The following RGS3 variants were observed in gnomAD, a reference collection of about 807,000 sequenced individuals.
The protein encoded by RGS3 is regulator of G-protein signalling 3.
In RGS3, 80 loss-of-function variants were observed where a neutral mutation model predicts 132.6. The ratio of observed to expected loss-of-function variants is 0.60; its 90% CI spans 0.50 to 0.73. The LOEUF (loss-of-function observed/expected upper bound fraction) is 0.73, where lower values mean the gene tolerates loss of function less well. RGS3 is among the 30% of genes least tolerant of loss of function. The pLI, the probability that RGS3 is intolerant of heterozygous loss-of-function variation, is 0.00. For synonymous variants in RGS3, 598 were observed against 620.6 expected (o/e 0.96, Z 0.54); for missense variants, 1,382 against 1,530.8 (o/e 0.90, Z 1.62).
Position 113,507,278 on chromosome 9 carries a change from A to C in RGS3, c.1086-9A>C, listed in dbSNP as rs1588173365. ...GCTCAACCTGTCTGTGTGATCCCCC[A>C]CCTTCCAGGAGCTGCCCCAGTGAGA... On this transcript the variant is annotated splice_polypyrimidine_tract_variant and intron_variant, in intron 12 of 24. Transcript: ENST00000350696. This position sits in a 1 kb window ranked among gnomAD's most constrained non-coding sequence, Gnocchi z 5.0. 5 of 1,596,322 alleles carry C rather than the reference A, an allele frequency of 3.1e-6. No individual in the cohort carries two copies. Among genetic ancestry groups the C allele is most frequent in the Non-Finnish European group, 4.3e-6 (5 of 1,170,056 alleles).
At chr9:113,459,782 T>C, upstream of RGS3, among the ~76,000 whole-genome samples, 1 of 152,042 alleles carries the variant, frequency 6.6e-6, no homozygotes, top group Admixed American at 6.6e-5. Context: ...CTCACACCTG[T>C]AGTCCCAGCA....
Position 113,508,587 on chromosome 9 carries a change from C to G in RGS3, c.1477+7C>G, listed in dbSNP as rs1225519651. 1 of 1,611,774 alleles carries G rather than the reference C, an allele frequency of 6.2e-7. No individual in the cohort carries two copies. Among genetic ancestry groups the G allele is most frequent in the Non-Finnish European group, 8.5e-7 (1 of 1,179,976 alleles). ...GAGGATACCATCCCCGAAGGTGAGT[C>G]TCCTGCTGCTGCTGTGCCCTCCTAG... is the stretch of plus-strand genomic sequence containing the variant. On this transcript the variant is annotated splice_region_variant and intron_variant, in intron 14 of 24. Transcript: ENST00000350696.
At position 113,497,149 on chromosome 9, in the gene RGS3, G is replaced by A. The variant is rs937622164; in HGVS notation, c.751-165G>A. ...AGATCTGCCCTGAGCATCACGGAAGGCTTCCTGGAGGTGCAGGCATGGCAG... is the reference window on the plus strand; with the variant it reads ...AGATCTGCCCTGAGCATCACGGAAGACTTCCTGGAGGTGCAGGCATGGCAG... On this transcript the variant is annotated intron_variant, in intron 8 of 24. Transcript: ENST00000350696. 5.9e-5 allele frequency among the ~76,000 whole-genome samples: 9 copies of A among 152,314 alleles called. No individual in the cohort carries two copies. The South Asian group carries it at 1.9e-3, about 32-fold the overall frequency.
intron 7 of RGS3, 84 bp downstream of exon 5, chr9:113,485,777 G>A (rs140426593): frequency 0.031 from 28,951 of 946,614 alleles, 735 homozygotes; most frequent in Non-Finnish European, 0.035. Flanking sequence ...CCAGGGGTTC[G>A]ATTAGTGCTT....
intron 1 of RGS3, among the ~76,000 whole-genome samples, chr9:113,451,861 T>A (rs1829253710): frequency 6.6e-6 from 1 of 152,172 alleles, no homozygotes; most frequent in African/African-American, 2.4e-5. Flanking sequence ...CTTGAAAGAC[T>A]AACATTTCTT....
intron 19 of RGS3, among the ~76,000 whole-genome samples, chr9:113,561,364 C>A (rs1833772946): frequency 6.6e-6 from 1 of 151,296 alleles, no homozygotes; most frequent in South Asian, 2.1e-4. Context: ...TCTTTCTTTC[C>A]TTTCCTTTTC....
chr9:113,452,793 T>C lies in RGS3; in HGVS notation c.-12-7452T>C, dbSNP rs756467261. Among the ~76,000 whole-genome samples the C allele has an allele frequency of 3.3e-5, 5 of 150,146 alleles. 1 individual carries two copies. Among genetic ancestry groups the C allele is most frequent in the Non-Finnish European group, 5.9e-5 (4 of 67,766 alleles). ...TGCTGTGTCTTCGAGTTCACCGATC[T>C]TTTTTTGTGCAATGTCTAACCCATT... On this transcript the variant is annotated intron_variant, in intron 1 of 25. Coordinates refer to the RGS3 transcript ENST00000374140.
At chr9:113,471,977 T>C (rs1438985947) in intron 3 of RGS3, among the ~76,000 whole-genome samples, 1 of 152,194 alleles carries the variant, frequency 6.6e-6, no homozygotes. Context: ...AGGATTTGAA[T>C]AGACATTTTT....
chr9:113,565,503 T>A lies in RGS3; in HGVS notation c.2038-17947T>A. The A allele has an allele frequency of 1.5e-6, 1 of 672,016 alleles. No homozygotes were observed. Among genetic ancestry groups the A allele is most frequent in the Non-Finnish European group, 2.2e-6 (1 of 450,116 alleles). The allele number at this position is 672,016 out of a possible 1,614,324, so 41.6% of individuals were successfully genotyped here. ...GAGGTGGAACCTGGTCATTTGGTTC[T>A]GCTTTTCCTAGCAGGTATCGCTCCC... On this transcript the variant is annotated intron_variant, in intron 19 of 24. Transcript: ENST00000350696. This position sits in a 1 kb window ranked among gnomAD's most constrained non-coding sequence, Gnocchi z 5.7.
At chr9:113,594,817 A>C in intron 22 of RGS3, 102 bp from the exon 21 acceptor site, 1 of 1,140,200 alleles carries the variant, frequency 8.8e-7, no homozygotes, top group Non-Finnish European at 1.3e-6. Flanking sequence ...GCTCAGCTGC[A>C]GACTGGGCCC....
In RGS3 at chr9:113,507,592, C is replaced by T. The variant is rs755864703; in HGVS notation, c.1391C>T (p.Thr464Ile). 6 of 1,513,020 alleles carry T rather than the reference C, an allele frequency of 4.0e-6. No homozygotes were observed. Among genetic ancestry groups the T allele is most frequent in the South Asian group, 2.6e-5 (2 of 76,496 alleles). 93.7% of individuals were successfully genotyped at this position (1,513,020 alleles called of 1,614,324 possible). ...GCACTGTCCCGTGCCACTGCCCCCA[C>T]CGACCCCAACTACATCATCCTGGCC... is the stretch of plus-strand genomic sequence containing the variant. The change falls in exon 13 of 25, where the codon ACC (threonine) becomes ATC (isoleucine). Residue 464 changes from threonine to isoleucine, a missense_variant. Coordinates refer to ENST00000350696, the Ensembl canonical transcript of RGS3. This position sits in a 1 kb window ranked among gnomAD's most constrained non-coding sequence, Gnocchi z 5.0.
intron 19 of RGS3, among the ~76,000 whole-genome samples, chr9:113,559,896 T>TA (rs1243126262): frequency 6.6e-6 from 1 of 152,252 alleles, no homozygotes; most frequent in African/African-American, 2.4e-5. Flanking sequence ...TTTTCACAGA[T>TA]GATAGCAACA....
Position 113,447,329 on chromosome 9 carries a change from G to GTGTATATATATATATATA in RGS3, c.-13+2403_-13+2404insGTATATATATATATATAT, listed in dbSNP as rs1554751009. Among the ~76,000 whole-genome samples, 73 of 27,556 alleles carry GTGTATATATATATATATA rather than the reference G, an allele frequency of 2.6e-3. 1 individual carries two copies. Among genetic ancestry groups the GTGTATATATATATATATA allele is most frequent in the African/African-American group, 6.8e-3 (69 of 10,202 alleles). The allele number at this position is 27,556 out of a possible 152,430, so 18.1% of individuals were successfully genotyped here. ...CCAATAAATTCTGATGTATGTATAT[G>GTGTATATATATATATATA]TATATATATATATATATATATATAT... On this transcript the variant is annotated intron_variant, in intron 1 of 25. Coordinates refer to the RGS3 transcript ENST00000374140.
chr9:113,521,211 A>T (rs1025822896), intron 16 of RGS3, among the ~76,000 whole-genome samples: 1 of 152,116 alleles, frequency 6.6e-6, no homozygotes, highest in Non-Finnish European at 1.5e-5. Context: ...TTTGGGCCCC[A>T]TTGGAGAAGC....
At chr9:113,467,449 T>A (rs1300387052) in intron 3 of RGS3, among the ~76,000 whole-genome samples, 1 of 152,244 alleles carries the variant, frequency 6.6e-6, no homozygotes, top group Non-Finnish European at 1.5e-5. Flanking sequence ...TGATATTCAC[T>A]ATAGTTTCGA....
At chr9:113,464,682 G>A (rs1482653262) in intron 3 of RGS3, among the ~76,000 whole-genome samples, 1 of 152,328 alleles carries the variant, frequency 6.6e-6, no homozygotes, top group Non-Finnish European at 1.5e-5. Context: ...TGAGCCAGTG[G>A]CAGAGTTCGT....
Position 113,463,935 on chromosome 9 carries a change from C to T in RGS3, c.415+1734C>T, listed in dbSNP as rs1318172899. 1.3e-6 allele frequency: 2 copies of T among 1,590,536 alleles called. No individual in the cohort carries two copies. The highest frequency in any genetic ancestry group is 2.7e-5 in the African/African-American group (2 of 74,218). ...GGCTGCTTCACCCTGCTCCCAGCGC[C>T]CAGAAACGCAGCCCCTCGTGGTGAC... On this transcript the variant is annotated intron_variant, in intron 3 of 24. Transcript: ENST00000350696. This position sits in a 1 kb window ranked among gnomAD's most constrained non-coding sequence, Gnocchi z 4.6.
chr9:113,536,563 C>T (rs1832684458), intron 18 of RGS3: 1 of 1,328,924 alleles, frequency 7.5e-7, no homozygotes. Flanking sequence ...GCCTTCCTCC[C>T]CTCCCCCAAC....
rs556036049 is a variant in RGS3, at chr9:113,516,120, G to A, written c.1675-1421G>A. Among the ~76,000 whole-genome samples the A allele has an allele frequency of 2.6e-5, 4 of 152,304 alleles. No homozygotes were observed. The East Asian group carries it at 7.7e-4, about 29-fold the overall frequency. On this transcript the variant is annotated intron_variant, in intron 15 of 24. Transcript: ENST00000350696. Reference sequence around the variant, plus strand: ...CTTATCAGCAGCATAGACATGACTTGGCCCCACGGGCTTCATTTCTGCCTG... The same window carrying A: ...CTTATCAGCAGCATAGACATGACTTAGCCCCACGGGCTTCATTTCTGCCTG...
Sources: gnomAD v4.1 joint callset for allele counts (sites outside exome capture counted in the v4.1 genomes callset) on GRCh38, gnomAD v4.1.1 for gene constraint, Gnocchi (gnomAD v3.1) non-coding constraint, MANE v1.5 for transcripts, NCBI Gene and HGNC (gene_info 2026-07-23, HGNC 2026-07-21) for gene names.